The following MYBPC1 variants were observed in gnomAD, a reference collection of about 807,000 sequenced individuals.
MYBPC1 encodes myosin binding protein C1.
A neutral mutation model predicts 147.1 loss-of-function variants in MYBPC1; 52 were observed. That is an observed-to-expected ratio of 0.35 (90% CI 0.28 to 0.45). MYBPC1 has a LOEUF of 0.45. Ranked by LOEUF, MYBPC1 falls within the 20% of genes least tolerant of loss-of-function variation. The pLI, the probability that MYBPC1 is intolerant of heterozygous loss-of-function variation, is 1.00. For missense variants in MYBPC1, 1,228 were observed against 1,440.3 expected (o/e 0.85, Z 2.39); for synonymous variants, 477 against 475.9 (o/e 1.00, Z -0.03).
chr12:101,645,382 C>T (rs1017763675), intron 12 of MYBPC1, among the ~76,000 whole-genome samples: 6 of 152,214 alleles, frequency 3.9e-5, no homozygotes, highest in Admixed American at 6.5e-5. Flanking sequence ...TAATCCCTGA[C>T]GTCTGATGGT....
intron 10 of MYBPC1, 186 bp downstream of exon 10, chr12:101,636,914 C>A: frequency 1.7e-6 from 1 of 584,400 alleles, no homozygotes. Flanking sequence ...CTTTTAAAGC[C>A]TTTAACAGTT....
intron 1 of MYBPC1, among the ~76,000 whole-genome samples, chr12:101,611,866 CA>C (rs892547981): frequency 1.3e-5 from 2 of 152,062 alleles, no homozygotes; most frequent in Non-Finnish European, 2.9e-5. Flanking sequence ...ATCACAAGGT[CA>C]AGAGATCGAG....
At chr12:101,680,944 T>A (rs535215258) in intron 29 of MYBPC1, among the ~76,000 whole-genome samples, 1 of 152,342 alleles carries the variant, frequency 6.6e-6, no homozygotes, top group East Asian at 1.9e-4. Flanking sequence ...CTATTTTTAA[T>A]TAGTTTACTA....
chr12:101,597,754 T>C lies in MYBPC1; in HGVS notation c.25+2659T>C, dbSNP rs370934727. Among the ~76,000 whole-genome samples the C allele has an allele frequency of 5.9e-5, 9 of 152,350 alleles. No homozygotes were observed. The South Asian group carries it at 1.2e-3, about 21-fold the overall frequency. ...CCATCATCAATTGTATATTATGTAT[T>C]CTTTGGAGAACTATGTTATTTGTAC... On this transcript the variant is annotated intron_variant, in intron 1 of 31. Transcript: ENST00000361466.
intron 3 of MYBPC1, 28 bp downstream of exon 3, chr12:101,617,271 T>A: frequency 6.2e-7 from 1 of 1,611,658 alleles, no homozygotes; most frequent in Non-Finnish European, 8.5e-7. Context: ...AGAGTGAGGC[T>A]GAAGTCAACA....
chr12:101,647,499 T>G (rs1178658872), intron 13 of MYBPC1, among the ~76,000 whole-genome samples: 1 of 152,234 alleles, frequency 6.6e-6, no homozygotes, highest in Admixed American at 6.5e-5. Context: ...ATAATTGATT[T>G]GACTTGGAGA....
At chr12:101,608,309 G>C (rs953165871) in intron 1 of MYBPC1, among the ~76,000 whole-genome samples, 1 of 152,106 alleles carries the variant, frequency 6.6e-6, no homozygotes, top group Non-Finnish European at 1.5e-5. Context: ...ATCCCCTTGG[G>C]CTTATTTTTT....
intron 3 of MYBPC1, among the ~76,000 whole-genome samples, chr12:101,622,313 AT>A (rs1416956741): frequency 6.6e-6 from 1 of 152,194 alleles, no homozygotes. Context: ...ACCATTAAAC[AT>A]TTCAGTCTCA....
intron 10 of MYBPC1, among the ~76,000 whole-genome samples, chr12:101,641,828 A>ATTTT (rs62676162): frequency 4.7e-5 from 7 of 149,840 alleles, no homozygotes; most frequent in South Asian, 4.2e-4. Flanking sequence ...GGCAGTTTCA[A>ATTTT]TTTTTTTTTT....
chr12:101,668,390 C>A (rs1028401272), intron 23 of MYBPC1, among the ~76,000 whole-genome samples: 3 of 152,154 alleles, frequency 2.0e-5, no homozygotes, highest in African/African-American at 7.2e-5. Flanking sequence ...CGGAGCCATA[C>A]TAGCCAGCCT....
At chr12:101,647,612 C>T (rs867698034) in intron 13 of MYBPC1, among the ~76,000 whole-genome samples, 3 of 144,820 alleles carry the variant, frequency 2.1e-5, no homozygotes, top group Non-Finnish European at 4.7e-5. Flanking sequence ...TCACAGACAG[C>T]CACAGTGGCT....
chr12:101,693,462 C>T, the MYBPC1 span, among the ~76,000 whole-genome samples: 3 of 152,062 alleles, frequency 2.0e-5, no homozygotes, highest in Non-Finnish European at 2.9e-5. Context: ...ATGTTTTGGC[C>T]GATTGTGGTG....
chr12:101,599,316 T>C (rs1461384092), intron 1 of MYBPC1, among the ~76,000 whole-genome samples: 1 of 152,202 alleles, frequency 6.6e-6, no homozygotes, highest in Non-Finnish European at 1.5e-5. Context: ...TTTGTTGTTG[T>C]TGTTGTTGTT....
chr12:101,619,733 G>A (rs1025869441), intron 3 of MYBPC1, among the ~76,000 whole-genome samples: 1 of 152,050 alleles, frequency 6.6e-6, no homozygotes, highest in Admixed American at 6.5e-5. Flanking sequence ...CCTGGATTTT[G>A]GTACATTTTC....
At chr12:101,595,214 TAAGGAAACGA>T in intron 1 of MYBPC1, 119 bp downstream of exon 1, 1 of 946,600 alleles carries the variant, frequency 1.1e-6, no homozygotes, top group Non-Finnish European at 1.6e-6. Context: ...CACTATGATT[TAAGGAAACGA>T]TCTTTTAGAT....
intron 19 of MYBPC1, chr12:101,660,048 T>G: frequency 1.7e-6 from 1 of 593,166 alleles, no homozygotes; most frequent in African/African-American, 1.9e-5. Context: ...ATATTCCCTT[T>G]TGGTGCCCTT....
intron 3 of MYBPC1, among the ~76,000 whole-genome samples, chr12:101,626,313 C>T (rs1357907137): frequency 6.6e-6 from 1 of 152,062 alleles, no homozygotes; most frequent in Non-Finnish European, 1.5e-5. Flanking sequence ...AGAAATGATA[C>T]AGCATTTTCC....
chr12:101,654,151 G>A (rs1356129314), intron 18 of MYBPC1, among the ~76,000 whole-genome samples: 1 of 152,188 alleles, frequency 6.6e-6, no homozygotes, highest in East Asian at 1.9e-4. Context: ...AGGTTGCAGT[G>A]AGCCGAGATC....
chr12:101,676,169 C>A (rs1899942907), intron 26 of MYBPC1, among the ~76,000 whole-genome samples: 1 of 152,042 alleles, frequency 6.6e-6, no homozygotes, highest in Non-Finnish European at 1.5e-5. Context: ...TCCAGGGAAG[C>A]CAAAAGATTG....
Sources: gnomAD v4.1 joint callset for allele counts (sites outside exome capture counted in the v4.1 genomes callset) on GRCh38, gnomAD v4.1.1 for gene constraint, MANE v1.5 for transcripts, NCBI Gene and HGNC (gene_info 2026-07-23, HGNC 2026-07-21) for gene names.